Variants in KIF13A observed in about 807,000 individuals in gnomAD.
KIF13A encodes kinesin-like protein KIF13A.
Under a neutral mutation model 212.2 loss-of-function variants are expected in KIF13A, and 79 were observed. That is an observed-to-expected ratio of 0.37 (90% CI 0.31 to 0.45). KIF13A has a LOEUF of 0.45. Ranked by LOEUF, KIF13A falls within the 20% of genes least tolerant of loss-of-function variation. The pLI, the probability that KIF13A is intolerant of heterozygous loss-of-function variation, is 1.00. For missense variants in KIF13A, 1,901 were observed against 2,209.0 expected (o/e 0.86, Z 2.79); for synonymous variants, 789 against 808.6 (o/e 0.98, Z 0.41).
In KIF13A at chr6:17,855,576, G is replaced by C. The variant is rs1160973273; in HGVS notation, c.355C>G (p.Leu119Val). Reference sequence around the variant, plus strand: ...CAGCAGAGCCTTGGAATAAGGCCCAGCTGCTCAGCATGGCCCATCATGGAA... The same window carrying C: ...CAGCAGAGCCTTGGAATAAGGCCCACCTGCTCAGCATGGCCCATCATGGAA... ...SFSMMGHAEQ[L>V]GLIPRLCCAL... The change falls in exon 6 of 39, where the codon CTG becomes GTG. Residue 119 changes from leucine (L) to valine (V), a missense_variant. This residue lies in a region of KIF13A where 506 missense variants were observed against 637.4 expected (regional missense o/e 0.79). Coordinates refer to ENST00000259711, the MANE Select transcript of KIF13A (RefSeq NM_022113.6). The surrounding 1 kb of genome is among the most constrained non-coding windows in gnomAD (Gnocchi z 4.1). 6.2e-7 allele frequency: 1 copy of C among 1,611,780 alleles called. No homozygotes were observed. The highest frequency in any genetic ancestry group is 1.1e-5 in the South Asian group (1 of 90,446).
rs527855958 is a variant in KIF13A, at chr6:17,925,176, G to A, written c.147-26996C>T. Among the ~76,000 whole-genome samples the A allele has an allele frequency of 2.6e-5, 4 of 152,290 alleles. No individual in the cohort carries two copies. In the East Asian group the frequency reaches 5.8e-4, roughly 22 times the overall value. On this transcript the variant is annotated intron_variant, in intron 2 of 38. Coordinates refer to ENST00000259711, the MANE Select transcript of KIF13A (RefSeq NM_022113.6). Reference sequence around the variant, plus strand: ...CAAGTGCAGAAACACTGAGGCAAGCGCATGCCTGGAGACGAAGATGTTAGG... The same window carrying A: ...CAAGTGCAGAAACACTGAGGCAAGCACATGCCTGGAGACGAAGATGTTAGG...
At chr6:17,868,190 C>A (rs1311097244) in intron 4 of KIF13A, among the ~76,000 whole-genome samples, 1 of 152,228 alleles carries the variant, frequency 6.6e-6, no homozygotes, top group African/African-American at 2.4e-5. Flanking sequence ...TCCACACTGA[C>A]CCCAGATATG....
intron 4 of KIF13A, among the ~76,000 whole-genome samples, chr6:17,859,805 T>G (rs1768557783): frequency 6.6e-6 from 1 of 151,454 alleles, no homozygotes; most frequent in Non-Finnish European, 1.5e-5. Context: ...CCGGCCAATT[T>G]TTTCTATCTT....
At chr6:17,975,511 A>G (rs537606710) in intron 2 of KIF13A, among the ~76,000 whole-genome samples, 1 of 152,286 alleles carries the variant, frequency 6.6e-6, no homozygotes, top group South Asian at 2.1e-4. Flanking sequence ...AGGCCCAAAA[A>G]GGGAGCAGCA....
At chr6:17,894,319 G>C (rs556718874) in intron 3 of KIF13A, among the ~76,000 whole-genome samples, 33 of 150,904 alleles carry the variant, frequency 2.2e-4, no homozygotes, top group Admixed American at 1.1e-3. Context: ...TTTTAGTAGA[G>C]ACAAGGTCTT....
intron 2 of KIF13A, among the ~76,000 whole-genome samples, chr6:17,964,724 T>C (rs935525317): frequency 6.6e-6 from 1 of 152,164 alleles, no homozygotes; most frequent in Non-Finnish European, 1.5e-5. Flanking sequence ...TCTGGCAAAT[T>C]TTTCATGGGC....
rs558726488 is a variant in KIF13A at position 17,824,801 on chromosome 6, C to T, written c.1786+967G>A. 9.4e-5 allele frequency among the ~76,000 whole-genome samples: 14 copies of T among 148,162 alleles called. No homozygotes were observed. The East Asian group carries it at 2.8e-3, about 30-fold the overall frequency. ...AAAAACAAAACACCAAAATGCTCTT[C>T]AAGCCCCCTGTCAGGTAGAGGCTGC... is the stretch of plus-strand genomic sequence containing the variant. On this transcript the variant is annotated intron_variant, in intron 16 of 38. Coordinates refer to ENST00000259711, the MANE Select transcript of KIF13A (RefSeq NM_022113.6).
At chr6:17,810,562 T>A (rs1415714109) in intron 17 of KIF13A, among the ~76,000 whole-genome samples, 1 of 152,218 alleles carries the variant, frequency 6.6e-6, no homozygotes, top group Non-Finnish European at 1.5e-5. Flanking sequence ...TTGGGATGAC[T>A]CAAGTGCATT....
Position 17,919,288 on chromosome 6 carries a change from A to C in KIF13A, c.147-21108T>G, listed in dbSNP as rs1233470561. Among the ~76,000 whole-genome samples the C allele has an allele frequency of 2.0e-5, 3 of 152,218 alleles. No homozygotes were observed. Among genetic ancestry groups the C allele is most frequent in the African/African-American group, 7.2e-5 (3 of 41,450 alleles). ...AAAACAGTAGAAAGTATCCCTCTTC[A>C]ACAATTACCAATACATGGCCAGTCT... On this transcript the variant is annotated intron_variant, in intron 2 of 38. Coordinates refer to ENST00000259711, the MANE Select transcript of KIF13A (RefSeq NM_022113.6). This position sits in a 1 kb window ranked among gnomAD's most constrained non-coding sequence, Gnocchi z 4.1.
intron 2 of KIF13A, among the ~76,000 whole-genome samples, chr6:17,964,252 C>T (rs563387553): frequency 2.0e-3 from 304 of 152,280 alleles, no homozygotes; most frequent in Middle Eastern, 6.8e-3. Context: ...CAGCTCATAT[C>T]GTAGCCATCG....
chr6:17,973,986 C>A (rs1468305034), intron 2 of KIF13A, among the ~76,000 whole-genome samples: 4 of 152,244 alleles, frequency 2.6e-5, no homozygotes, highest in Admixed American at 6.5e-5. Flanking sequence ...TTAGGTAATT[C>A]TTTCCCCTCT....
At chr6:17,945,762 T>C (rs990823821) in intron 2 of KIF13A, among the ~76,000 whole-genome samples, 2 of 152,158 alleles carry the variant, frequency 1.3e-5, no homozygotes, top group Non-Finnish European at 2.9e-5. Context: ...GCCACCCCTA[T>C]AGCAGAACAC....
chr6:17,906,836 T>C (rs1383596293), intron 2 of KIF13A, among the ~76,000 whole-genome samples: 2 of 151,966 alleles, frequency 1.3e-5, no homozygotes, highest in African/African-American at 2.4e-5. Flanking sequence ...AGGGCAAGAA[T>C]TGGGTAGAGA....
rs1194738756 is a variant in KIF13A, at chr6:17,963,476, A to G, written c.146+23578T>C. ...TCATGTGAAGTAACATGGATAGATA[A>G]GGTCTTACAATATGAAGAAATATAT... is the stretch of plus-strand genomic sequence containing the variant. On this transcript the variant is annotated intron_variant, in intron 2 of 38. Coordinates refer to ENST00000259711, the MANE Select transcript of KIF13A (RefSeq NM_022113.6). This position sits in a 1 kb window ranked among gnomAD's most constrained non-coding sequence, Gnocchi z 4.1. Among the ~76,000 whole-genome samples the G allele has an allele frequency of 6.6e-6, 1 of 152,216 alleles. No homozygotes were observed. Among genetic ancestry groups the G allele is most frequent in the African/African-American group, 2.4e-5 (1 of 41,462 alleles).
At chr6:17,818,448 AAGAT>A (rs751577438) in intron 16 of KIF13A, among the ~76,000 whole-genome samples, 3 of 152,258 alleles carry the variant, frequency 2.0e-5, no homozygotes, top group Non-Finnish European at 4.4e-5. Flanking sequence ...TTAAGAGAAA[AAGAT>A]AGCATGTTAG....
intron 2 of KIF13A, among the ~76,000 whole-genome samples, chr6:17,927,563 A>G (rs942557970): frequency 2.0e-5 from 3 of 152,174 alleles, no homozygotes; most frequent in African/African-American, 7.2e-5. Context: ...TCTGTTTGGG[A>G]TGATGAAGAA....
Position 17,837,671 on chromosome 6 carries a change from A to C in KIF13A, c.831-88T>G. ...GCAGAACAATAAAGCTCCACAGTTA[A>C]TACACGTTGGTGGCTCACGCCCGTA... is the stretch of plus-strand genomic sequence containing the variant. On this transcript the variant is annotated intron_variant, in intron 9 of 38. Transcript: ENST00000259711. The surrounding 1 kb of genome is among the most constrained non-coding windows in gnomAD (Gnocchi z 5.4). The C allele has an allele frequency of 1.1e-6, 1 of 917,956 alleles. No homozygotes were observed. Among genetic ancestry groups the C allele is most frequent in the Non-Finnish European group, 1.7e-6 (1 of 589,534 alleles). 56.9% of individuals were successfully genotyped at this position (917,956 alleles called of 1,614,324 possible).
intron 9 of KIF13A, among the ~76,000 whole-genome samples, chr6:17,848,320 C>T (rs1767273578): frequency 6.6e-6 from 1 of 152,006 alleles, no homozygotes; most frequent in Non-Finnish European, 1.5e-5. Flanking sequence ...TTACAGTCAC[C>T]CTACAGTGCT....
At position 17,838,182 on chromosome 6, in the gene KIF13A, G is replaced by A. The variant is rs1034706982; in HGVS notation, c.831-599C>T. Among the ~76,000 whole-genome samples the A allele has an allele frequency of 2.6e-5, 4 of 151,764 alleles. No homozygotes were observed. The highest frequency in any genetic ancestry group is 7.3e-5 in the African/African-American group (3 of 41,318). On this transcript the variant is annotated intron_variant, in intron 9 of 38. Transcript: ENST00000259711. The surrounding 1 kb of genome is among the most constrained non-coding windows in gnomAD (Gnocchi z 4.2). ...ACTAAAAATACAAAAATTGCCAGGC[G>A]TGGCGGCGTGTGCCTATAGTCCCAG... is the stretch of plus-strand genomic sequence containing the variant.
Sources: allele counts gnomAD v4.1 joint callset (sites outside exome capture counted in the v4.1 genomes callset), GRCh38; gene constraint gnomAD v4.1.1; regional missense constraint gnomAD v4.1.1; non-coding constraint Gnocchi (gnomAD v3.1); transcripts MANE v1.5; gene names NCBI Gene and HGNC (gene_info 2026-07-23, HGNC 2026-07-21).